The following WWC2 variants were observed in gnomAD, a reference collection of about 807,000 sequenced individuals.
The protein encoded by WWC2 is WW and C2 domain containing 2, also known as protein WWC2.
Under a neutral mutation model 138.5 loss-of-function variants are expected in WWC2, and 101 were observed. The ratio of observed to expected loss-of-function variants is 0.73; its 90% confidence interval spans 0.62 to 0.86. The LOEUF is 0.86. Ranked by LOEUF, WWC2 falls within the 40% of genes least tolerant of loss-of-function variation. The pLI is 0.00. For missense variants in WWC2, 1,420 were observed against 1,419.4 expected (o/e 1.00, Z -0.01); for synonymous variants, 558 against 538.4 (o/e 1.04, Z -0.50).
At chr4:183,313,417 A>G (rs1739329961) in intron 22 of WWC2, among the ~76,000 whole-genome samples, 2 of 151,488 alleles carry the variant, frequency 1.3e-5, no homozygotes, top group African/African-American at 2.4e-5. Context: ...GGTTCATGGG[A>G]GGTTTGTGGG....
chr4:183,242,180 A>G (rs1736644759), intron 5 of WWC2, among the ~76,000 whole-genome samples: 1 of 152,200 alleles, frequency 6.6e-6, no homozygotes, highest in South Asian at 2.1e-4. Context: ...AATGTTAACC[A>G]CCATACTACT....
intron 16 of WWC2, among the ~76,000 whole-genome samples, chr4:183,277,803 CCTTCGCCCA>C (rs1737911152): frequency 6.7e-6 from 1 of 149,394 alleles, no homozygotes; most frequent in Non-Finnish European, 1.5e-5. Context: ...CTGTTCATGT[CCTTCGCCCA>C]CTTTTTGATG....
rs189480275 is a variant in WWC2, at chr4:183,176,548, G to A, written c.132-17051G>A. Among the ~76,000 whole-genome samples the A allele has an allele frequency of 3.7e-3, 567 of 151,878 alleles. 3 individuals carry two copies. The highest frequency in any genetic ancestry group is 0.013 in the African/African-American group (530 of 41,408). ...AGTGATTCTCCTGCCTCAGCCTCCC[G>A]AGTAGCTAGGATTACAGGCACCTGC... On this transcript the variant is annotated intron_variant, in intron 1 of 22. Transcript: ENST00000403733.
At chr4:183,310,941 A>T (rs1739192728) in intron 21 of WWC2, among the ~76,000 whole-genome samples, 1 of 151,996 alleles carries the variant, frequency 6.6e-6, no homozygotes, top group Non-Finnish European at 1.5e-5. Context: ...TACTCATTTA[A>T]ACTTCACAAC....
At chr4:183,197,949 A>G (rs1735190132) in intron 2 of WWC2, among the ~76,000 whole-genome samples, 1 of 152,136 alleles carries the variant, frequency 6.6e-6, no homozygotes, top group Non-Finnish European at 1.5e-5. Flanking sequence ...GATTTCTATC[A>G]CCATAGCTTA....
At chr4:183,160,244 G>A (rs923557823) in intron 1 of WWC2, among the ~76,000 whole-genome samples, 5 of 152,320 alleles carry the variant, frequency 3.3e-5, no homozygotes, top group Non-Finnish European at 5.9e-5. Context: ...AGCAAAGTAT[G>A]TAGTTGTATT....
chr4:183,279,393 G>T (rs1243327365), intron 16 of WWC2, among the ~76,000 whole-genome samples: 1 of 151,534 alleles, frequency 6.6e-6, no homozygotes, highest in Non-Finnish European at 1.5e-5. Flanking sequence ...TTTTATTGAG[G>T]ATTTTTGGAT....
chr4:183,114,687 C>T (rs546555001), intron 1 of WWC2, among the ~76,000 whole-genome samples: 5 of 149,590 alleles, frequency 3.3e-5, no homozygotes, highest in South Asian at 4.2e-4. Context: ...TTTCTTCCAA[C>T]GTTTATTTCA....
At chr4:183,128,307 C>T (rs1441781831) in intron 1 of WWC2, among the ~76,000 whole-genome samples, 2 of 151,948 alleles carry the variant, frequency 1.3e-5, no homozygotes, top group Non-Finnish European at 2.9e-5. Context: ...CCATTGCACT[C>T]CAGCCTGGGC....
At chr4:183,198,744 A>G (rs1341912268) in intron 2 of WWC2, among the ~76,000 whole-genome samples, 1 of 142,948 alleles carries the variant, frequency 7.0e-6, no homozygotes, top group Non-Finnish European at 1.5e-5. Context: ...GCTAGAGCCT[A>G]AGAGCTCAAG....
At chr4:183,274,699 G>A (rs147754503) in intron 16 of WWC2, among the ~76,000 whole-genome samples, 51 of 152,222 alleles carry the variant, frequency 3.4e-4, no homozygotes, top group African/African-American at 1.2e-3. Flanking sequence ...TCTATACTAT[G>A]ACCAAGTGAG....
chr4:183,290,907 T>A (rs1738428193), intron 21 of WWC2, among the ~76,000 whole-genome samples: 1 of 152,228 alleles, frequency 6.6e-6, no homozygotes, highest in Non-Finnish European at 1.5e-5. Flanking sequence ...TGACTGGAAC[T>A]ACTGATCCTT....
At chr4:183,175,552 C>T (rs4361432) in intron 1 of WWC2, among the ~76,000 whole-genome samples, 21,370 of 152,182 alleles carry the variant, frequency 0.14, 1,852 homozygotes, top group South Asian at 0.25. Flanking sequence ...CGTGAGCCAC[C>T]GTGCCTGGCC....
intron 1 of WWC2, among the ~76,000 whole-genome samples, chr4:183,127,595 G>A (rs1477489817): frequency 6.6e-6 from 1 of 152,106 alleles, no homozygotes; most frequent in Admixed American, 6.6e-5. Context: ...GTTAATTATA[G>A]TGCATTATAT....
At chr4:183,292,032 T>TAA (rs33964356) in intron 21 of WWC2, among the ~76,000 whole-genome samples, 20,203 of 145,132 alleles carry the variant, frequency 0.14, 1,511 homozygotes, top group South Asian at 0.2. Flanking sequence ...CAAAAAAAAT[T>TAA]AAAAAAAAAA....
chr4:183,309,607 A>G (rs768487469), intron 21 of WWC2, among the ~76,000 whole-genome samples: 1 of 152,180 alleles, frequency 6.6e-6, no homozygotes, highest in Non-Finnish European at 1.5e-5. Context: ...AGCAACAGGA[A>G]CTCTCAGCCA....
chr4:183,189,052 AT>A (rs962631052), intron 1 of WWC2, among the ~76,000 whole-genome samples: 3 of 151,440 alleles, frequency 2.0e-5, no homozygotes, highest in East Asian at 1.9e-4. Flanking sequence ...CTTGAAAGCC[AT>A]TTTTTTTCTT....
intron 10 of WWC2, 103 bp downstream of exon 10, chr4:183,259,831 T>C (rs1156405072): frequency 7.2e-6 from 6 of 838,376 alleles, no homozygotes; most frequent in African/African-American, 1.7e-5. Flanking sequence ...TTAAATAAAA[T>C]CATTATAGTA....
intron 1 of WWC2, among the ~76,000 whole-genome samples, chr4:183,139,779 G>C (rs1430080555): frequency 6.6e-6 from 1 of 152,104 alleles, no homozygotes; most frequent in Non-Finnish European, 1.5e-5. Context: ...ACCATATAAC[G>C]TTAGTTCTCA....
Sources: allele counts gnomAD v4.1 joint callset (sites outside exome capture counted in the v4.1 genomes callset), GRCh38; gene constraint gnomAD v4.1.1; transcripts MANE v1.5; gene names NCBI Gene and HGNC (gene_info 2026-07-23, HGNC 2026-07-21).